HS6ST2: variants seen among roughly 807,000 people sequenced by gnomAD.
HS6ST2 encodes heparan-sulfate 6-O-sulfotransferase 2.
A neutral mutation model predicts 33.0 loss-of-function variants in HS6ST2; 17 were observed. The ratio of observed to expected loss-of-function variants is 0.52; its 90% CI spans 0.35 to 0.77. The LOEUF (loss-of-function observed/expected upper bound fraction) is 0.77, where lower values mean the gene tolerates loss of function less well. Ranked by LOEUF, HS6ST2 falls within the 30% of genes least tolerant of loss-of-function variation. The pLI, the probability that HS6ST2 is intolerant of heterozygous loss-of-function variation, is 0.01. For synonymous variants in HS6ST2, 248 were observed against 237.1 expected, an observed-to-expected ratio of 1.05 and a Z score of -0.42; for missense variants, 519 against 551.7, an observed-to-expected ratio of 0.94 and a Z score of 0.59.
intron 2 of HS6ST2, among the ~76,000 whole-genome samples, chrX:132,805,355 A>G (rs2065271211): frequency 9.0e-6 from 1 of 111,498 alleles, no homozygotes; most frequent in Non-Finnish European, 1.9e-5. Flanking sequence ...ATAGGAAATG[A>G]GAGGAGGGGA....
At chrX:132,761,457 T>C (rs754663550) in intron 2 of HS6ST2, among the ~76,000 whole-genome samples, 1 of 111,419 alleles carries the variant, frequency 9.0e-6, no homozygotes, top group Non-Finnish European at 1.9e-5. Context: ...CAGGGCATCC[T>C]GAGAAGCCAA....
Position 132,956,776 on chromosome X carries a change from C to G in HS6ST2, c.947+32G>C, listed in dbSNP as rs1016028069. ...TCCCAGCCCTCCGCCCGCCTAGGCC[C>G]GGGTCCCGCTCGACTACCGGCGCGC... On this transcript the variant is annotated intron_variant, in intron 2 of 4. Coordinates refer to ENST00000370833, the MANE Select transcript of HS6ST2 (RefSeq NM_001394073.1). 12 of 1,137,732 alleles carry G rather than the reference C, an allele frequency of 1.1e-5. No homozygotes were observed. In the East Asian group the frequency reaches 2.0e-4, roughly 19 times the overall value. 93.8% of individuals were successfully genotyped at this position (1,137,732 alleles called of 1,213,427 possible). A position where few individuals can be genotyped will look rare whatever the true frequency, so the allele number is the denominator to read the frequency against.
chrX:132,629,256 CTCTGAG>C (rs780959554), intron 4 of HS6ST2, among the ~76,000 whole-genome samples, 163 bp from the exon 5 acceptor site: 1 of 112,211 alleles, frequency 8.9e-6, no homozygotes, highest in Admixed American at 9.4e-5. Flanking sequence ...GCAGTCCCCT[CTCTGAG>C]TCTCACTAGC....
intron 2 of HS6ST2, among the ~76,000 whole-genome samples, chrX:132,813,927 A>G (rs1293530171): frequency 9.0e-6 from 1 of 111,147 alleles, no homozygotes; most frequent in Non-Finnish European, 1.9e-5. Context: ...ATGTTCAAGA[A>G]CATTTATTTA....
intron 2 of HS6ST2, among the ~76,000 whole-genome samples, chrX:132,901,800 A>G (rs113485715): frequency 9.0e-6 from 1 of 111,451 alleles, no homozygotes; most frequent in African/African-American, 3.3e-5. Flanking sequence ...TATCCCAAGC[A>G]AACAGTACAC....
chrX:132,689,901 C>CTTTT (rs1352973143), intron 3 of HS6ST2, among the ~76,000 whole-genome samples: 1 of 109,415 alleles, frequency 9.1e-6, no homozygotes, highest in Non-Finnish European at 1.9e-5. Context: ...TTTTTTTAAG[C>CTTTT]TTATCAGCAA....
At chrX:132,837,775 T>G (rs2065659263) in intron 2 of HS6ST2, among the ~76,000 whole-genome samples, 1 of 112,233 alleles carries the variant, frequency 8.9e-6, no homozygotes, top group Non-Finnish European at 1.9e-5. Flanking sequence ...CAGAGAGTTC[T>G]CAGCTTGACC....
chrX:132,867,412 G>C (rs747204222), intron 2 of HS6ST2, among the ~76,000 whole-genome samples: 1 of 110,597 alleles, frequency 9.0e-6, no homozygotes, highest in East Asian at 2.8e-4. Context: ...TTGCATCAAT[G>C]TTCATCAAGG....
At chrX:132,864,812 T>A (rs181794730) in intron 2 of HS6ST2, among the ~76,000 whole-genome samples, 2 of 110,252 alleles carry the variant, frequency 1.8e-5, no homozygotes, top group East Asian at 5.8e-4. Flanking sequence ...ATCATCAGAT[T>A]CACCAAGGTT....
intron 2 of HS6ST2, among the ~76,000 whole-genome samples, chrX:132,789,986 A>G (rs772965993): frequency 1.8e-5 from 2 of 112,744 alleles, no homozygotes; most frequent in East Asian, 5.6e-4. Context: ...AATCGTGTTG[A>G]AATGACAAGA....
chrX:132,723,535 T>C (rs1021629584), intron 2 of HS6ST2, among the ~76,000 whole-genome samples: 1 of 111,990 alleles, frequency 8.9e-6, no homozygotes, highest in Non-Finnish European at 1.9e-5. Context: ...AATCAACCAA[T>C]GTGATACATC....
At chrX:132,765,397 T>C (rs895261571) in intron 2 of HS6ST2, among the ~76,000 whole-genome samples, 8 of 97,979 alleles carry the variant, frequency 8.2e-5, no homozygotes, top group Non-Finnish European at 4.2e-5. Context: ...GAAAAACACA[T>C]TGTAGACTTT....
intron 2 of HS6ST2, among the ~76,000 whole-genome samples, chrX:132,928,337 T>G (rs1303041163): frequency 9.1e-6 from 1 of 110,017 alleles, no homozygotes; most frequent in Non-Finnish European, 1.9e-5. Flanking sequence ...GTCTCAAACT[T>G]CTGGCCTCAA....
chrX:132,637,840 TTTTATATATAATA>T lies in HS6ST2; in HGVS notation c.1068-8760_1068-8748del, dbSNP rs1309925671. On this transcript the variant is annotated intron_variant, in intron 4 of 4. Coordinates refer to ENST00000370833, the MANE Select transcript of HS6ST2 (RefSeq NM_001394073.1). ...TATATATATAATATTATATATAATA[TTTTATATATAATA>T]TATATATAATATATTATATATAATA... Among the ~76,000 whole-genome samples the T allele has an allele frequency of 0.013, 573 of 44,126 alleles. 15 individuals are homozygous for T. The African/African-American group carries it at 0.18, about 14-fold the overall frequency. The allele number at this position is 44,126 out of a possible 115,157, so 38.3% of individuals were successfully genotyped here.
chrX:132,882,794 C>G (rs1336640439), intron 2 of HS6ST2, among the ~76,000 whole-genome samples: 1 of 111,127 alleles, frequency 9.0e-6, no homozygotes, highest in South Asian at 3.8e-4. Context: ...TTTTGAGATA[C>G]ATCCCATCAA....
chrX:132,669,100 CT>C lies in HS6ST2; in HGVS notation c.1067+12del. The C allele has an allele frequency of 8.7e-7, 1 of 1,146,589 alleles. No homozygotes were observed. Among genetic ancestry groups the C allele is most frequent in the Non-Finnish European group, 1.2e-6 (1 of 837,837 alleles). The allele number at this position is 1,146,589 out of a possible 1,213,427, so 94.5% of individuals were successfully genotyped here. ...CAGCTATGTCAGATGTACAGGAGCACTTTTTCACTTACTTCCCACTCTTAGA... is the reference window on the plus strand; with the variant it reads ...CAGCTATGTCAGATGTACAGGAGCACTTTTCACTTACTTCCCACTCTTAGA... On this transcript the variant is annotated intron_variant, in intron 4 of 4. Coordinates refer to ENST00000370833, the MANE Select transcript of HS6ST2 (RefSeq NM_001394073.1).
rs895753205 is a variant in HS6ST2 at position 132,628,292 on chromosome X, G to A, written c.1869C>T (p.Gly623=). 1 of 1,165,524 alleles carries A rather than the reference G, an allele frequency of 8.6e-7. No homozygotes were observed. Among genetic ancestry groups the A allele is most frequent in the African/African-American group, 1.8e-5 (1 of 55,452 alleles). Residue 623 remains glycine, a synonymous_variant, in exon 5 of 5, where the codon GGC becomes GGT. Transcript: ENST00000370833. ...TGCTGGTGTTATCATTCTGCTCCTT[G>A]CCTGAGTTCTGCTTCGGGCTTTCCC... is the stretch of plus-strand genomic sequence containing the variant. ...ENRESPKQNS[G]KEQNDNTSNG... is the part of the protein sequence containing the mutation.
intron 2 of HS6ST2, among the ~76,000 whole-genome samples, chrX:132,945,117 C>G (rs749686608): frequency 1.8e-5 from 2 of 111,816 alleles, no homozygotes; most frequent in African/African-American, 6.5e-5. Context: ...TGACAAAGGG[C>G]TAATATCCAG....
At chrX:132,957,380 C>G (rs1048937089) in intron 1 of HS6ST2, 54 bp from the exon 2 acceptor site, 133 of 1,099,147 alleles carry the variant, frequency 1.2e-4, no homozygotes, top group Non-Finnish European at 1.5e-4. Context: ...CCGCGCTCGT[C>G]GTGCCCCCGC....
Sources: gnomAD v4.1 joint callset for allele counts (sites outside exome capture counted in the v4.1 genomes callset) on GRCh38, gnomAD v4.1.1 for gene constraint, MANE v1.5 for transcripts, NCBI Gene and HGNC (gene_info 2026-07-23, HGNC 2026-07-21) for gene names.